The following TBC1D19 variants were observed in gnomAD, a reference collection of about 807,000 sequenced individuals.
TBC1D19 encodes the protein TBC1 domain family, member 19.
TBC1D19 carries 60 observed loss-of-function variants against 89.0 expected under a neutral mutation model. The observed-to-expected ratio is 0.67, with a 90% CI of 0.55 to 0.84. TBC1D19 has a LOEUF of 0.84. Among genes scored for constraint, TBC1D19 ranks in the 40% least tolerant of loss-of-function variants. The pLI is 0.00. For missense variants in TBC1D19, 500 were observed against 610.8 expected (o/e 0.82, Z 1.91); for synonymous variants, 189 against 199.7 (o/e 0.95, Z 0.45).
intron 13 of TBC1D19, among the ~76,000 whole-genome samples, chr4:26,701,687 T>G (rs1715346747): frequency 6.6e-6 from 1 of 152,200 alleles, no homozygotes; most frequent in Non-Finnish European, 1.5e-5. Context: ...ATAGTTGTAA[T>G]GAATCCTTTT....
chr4:26,855,926 C>A, the TBC1D19 span, among the ~76,000 whole-genome samples: 1 of 152,174 alleles, frequency 6.6e-6, no homozygotes, highest in East Asian at 1.9e-4. Context: ...CATTGTAGAA[C>A]AATTCAACTG....
intron 13 of TBC1D19, among the ~76,000 whole-genome samples, chr4:26,696,531 C>T (rs896074536): frequency 1.3e-5 from 2 of 152,210 alleles, no homozygotes; most frequent in African/African-American, 2.4e-5. Flanking sequence ...GCAGAACTCT[C>T]CACCCCAACT....
intron 4 of TBC1D19, among the ~76,000 whole-genome samples, chr4:26,631,991 C>A (rs183991880): frequency 2.0e-5 from 3 of 152,198 alleles, no homozygotes; most frequent in Admixed American, 6.6e-5. Flanking sequence ...ATTTGGAGAA[C>A]TGTGATTCAT....
intron 16 of TBC1D19, among the ~76,000 whole-genome samples, chr4:26,739,491 A>G (rs1377418315): frequency 6.6e-6 from 1 of 152,182 alleles, no homozygotes; most frequent in African/African-American, 2.4e-5. Context: ...GAGAAAGTAA[A>G]AATAAGCTGC....
chr4:26,838,232 T>C, the TBC1D19 span, among the ~76,000 whole-genome samples: 1 of 152,132 alleles, frequency 6.6e-6, no homozygotes, highest in Non-Finnish European at 1.5e-5. Flanking sequence ...AATGGGCCAG[T>C]TGTTGGACGT....
intron 7 of TBC1D19, among the ~76,000 whole-genome samples, chr4:26,645,280 G>C (rs377251536): frequency 3.9e-5 from 6 of 152,096 alleles, no homozygotes; most frequent in Non-Finnish European, 5.9e-5. Context: ...GTAACCAAAA[G>C]AGCATGGTAC....
intron 4 of TBC1D19, among the ~76,000 whole-genome samples, chr4:26,627,504 C>G (rs974988843): frequency 6.6e-6 from 1 of 152,132 alleles, no homozygotes; most frequent in African/African-American, 2.4e-5. Context: ...ACAGTCCCAC[C>G]AACAGTGTAA....
intron 17 of TBC1D19, chr4:26,740,995 T>C: frequency 1.1e-6 from 1 of 952,118 alleles, no homozygotes; most frequent in Non-Finnish European, 1.3e-6. Context: ...GAGAACTTGA[T>C]TTTGTTCTTA....
At chr4:26,735,927 A>G (rs1718017830) in intron 16 of TBC1D19, among the ~76,000 whole-genome samples, 1 of 149,656 alleles carries the variant, frequency 6.7e-6, no homozygotes, top group Non-Finnish European at 1.5e-5. Flanking sequence ...GAGAAATAGG[A>G]ACACTTTTAC....
chr4:26,828,951 T>G, the TBC1D19 span, among the ~76,000 whole-genome samples: 1 of 152,204 alleles, frequency 6.6e-6, no homozygotes, highest in East Asian at 1.9e-4. Flanking sequence ...GAAGGGAGAT[T>G]AGGACAAATC....
chr4:26,809,392 C>T, the TBC1D19 span, among the ~76,000 whole-genome samples: 1 of 152,122 alleles, frequency 6.6e-6, no homozygotes, highest in East Asian at 1.9e-4. Context: ...TGTAATTTGG[C>T]AGGGCTGCAG....
At chr4:26,729,159 T>C (rs1485064526) in intron 15 of TBC1D19, among the ~76,000 whole-genome samples, 1 of 152,236 alleles carries the variant, frequency 6.6e-6, no homozygotes, top group Non-Finnish European at 1.5e-5. Context: ...TCAGAGGCAA[T>C]CATAGTCCCC....
chr4:26,846,099 A>T, the TBC1D19 span, among the ~76,000 whole-genome samples: 1 of 152,192 alleles, frequency 6.6e-6, no homozygotes, highest in Admixed American at 6.5e-5. Flanking sequence ...TTCCTTTTTA[A>T]GACTGAATAA....
At chr4:26,609,688 G>A (rs140343624) in intron 1 of TBC1D19, among the ~76,000 whole-genome samples, 15 of 152,244 alleles carry the variant, frequency 9.9e-5, no homozygotes, top group African/African-American at 3.1e-4. Flanking sequence ...GACCAAGTAT[G>A]CCCTGTTAAA....
the TBC1D19 span, among the ~76,000 whole-genome samples, chr4:26,794,437 G>T: frequency 6.6e-6 from 1 of 151,340 alleles, no homozygotes; most frequent in Non-Finnish European, 1.5e-5. Context: ...GGTAAAAGAG[G>T]GTAAAAACAT....
rs569708038 is a variant in TBC1D19 at position 26,711,618 on chromosome 4, A to G, written c.955-6315A>G. Reference sequence around the variant, plus strand: ...TGCCGTATTAGCATAGTTCAGACTTACACATTCAGTTTCTTATAACTCTTC... The same window carrying G: ...TGCCGTATTAGCATAGTTCAGACTTGCACATTCAGTTTCTTATAACTCTTC... On this transcript the variant is annotated intron_variant, in intron 13 of 20. Transcript: ENST00000264866. Among the ~76,000 whole-genome samples the G allele has an allele frequency of 1.2e-4, 18 of 152,196 alleles. No homozygotes were observed. The Middle Eastern group carries it at 0.01, about 86-fold the overall frequency.
At chr4:26,632,044 A>T (rs556503736) in intron 4 of TBC1D19, among the ~76,000 whole-genome samples, 98 of 152,260 alleles carry the variant, frequency 6.4e-4, no homozygotes, top group African/African-American at 2.3e-3. Context: ...TTGCCAAAAT[A>T]ATTATTTAAA....
chr4:26,596,489 A>T (rs62409930), intron 1 of TBC1D19, among the ~76,000 whole-genome samples: 91 of 140,182 alleles, frequency 6.5e-4, no homozygotes, highest in East Asian at 5.3e-3. Context: ...TGTGTGTGTG[A>T]GAGAGAGTGT....
At chr4:26,856,420 T>C in the TBC1D19 span, among the ~76,000 whole-genome samples, 2 of 152,222 alleles carry the variant, frequency 1.3e-5, no homozygotes, top group South Asian at 2.1e-4. Flanking sequence ...CTATTGTAAA[T>C]AATGCTGAAA....
Sources: gnomAD v4.1 joint callset for allele counts (sites outside exome capture counted in the v4.1 genomes callset) on GRCh38, gnomAD v4.1.1 for gene constraint, MANE v1.5 for transcripts, NCBI Gene and HGNC (gene_info 2026-07-23, HGNC 2026-07-21) for gene names.